The following GALNT16 variants were observed in gnomAD, a reference collection of about 807,000 sequenced individuals.
The protein encoded by GALNT16 is polypeptide N-acetylgalactosaminyltransferase 16.
Under a neutral mutation model 76.1 loss-of-function variants are expected in GALNT16, and 40 were observed. The observed-to-expected ratio is 0.53, with a 90% confidence interval of 0.41 to 0.68. The LOEUF (loss-of-function observed/expected upper bound fraction) is 0.68. GALNT16 is among the 30% of genes least tolerant of loss of function. The pLI, the probability that GALNT16 is intolerant of heterozygous loss-of-function variation, is 0.00. For missense variants in GALNT16, 621 were observed against 731.9 expected, an observed-to-expected ratio of 0.85 and a Z score of 1.75; for synonymous variants, 276 against 285.2, an observed-to-expected ratio of 0.97 and a Z score of 0.32.
At chr14:69,289,801 C>A (rs867592706) in intron 1 of GALNT16, among the ~76,000 whole-genome samples, 9 of 152,098 alleles carry the variant, frequency 5.9e-5, no homozygotes, top group African/African-American at 9.7e-5. Flanking sequence ...TGCTGTGGCG[C>A]GGTCTCACTG....
At chr14:69,270,665 C>A in intron 1 of GALNT16, among the ~76,000 whole-genome samples, 1 of 152,196 alleles carries the variant, frequency 6.6e-6, no homozygotes, top group African/African-American at 2.4e-5. Context: ...ATCAGCGGTC[C>A]GTTCCAGGGG....
chr14:69,324,926 G>A (rs1406524301), intron 3 of GALNT16, 136 bp downstream of exon 3: 3 of 586,018 alleles, frequency 5.1e-6, no homozygotes, highest in Admixed American at 3.2e-5. Flanking sequence ...GCTGAGACTG[G>A]TGAATCAGGG....
At chr14:69,275,454 G>A (rs2044459968) in intron 1 of GALNT16, among the ~76,000 whole-genome samples, 1 of 152,216 alleles carries the variant, frequency 6.6e-6, no homozygotes, top group Non-Finnish European at 1.5e-5. Flanking sequence ...TGATGATTTA[G>A]TATGATACCA....
intron 9 of GALNT16, among the ~76,000 whole-genome samples, chr14:69,337,772 G>C (rs7143232): frequency 0.32 from 48,723 of 152,002 alleles, 8,008 homozygotes; most frequent in Middle Eastern, 0.41. Flanking sequence ...CTTTAGTCCT[G>C]CTTCCTCCAC....
In GALNT16 at chr14:69,352,167, G is replaced by T; in HGVS notation, c.1676G>T (p.Ter559LeuextTer2). ...CAGTGGCAGCTGTTGCCACACACAT[G>T]ACGGTAGCCCTGGGGCCTCCTGTAC... The part of the protein sequence containing the change: ...AQQWQLLPHT[*>L] Residue 559 changes from the stop codon to leucine (L), a stop_lost, in exon 15 of 15, where the codon TGA (stop) becomes TTA (leucine). Coordinates refer to ENST00000448469, the MANE Select transcript of GALNT16 (RefSeq NM_001168368.2). 1 of 1,609,056 alleles carries T rather than the reference G, an allele frequency of 6.2e-7. No individual in the cohort carries two copies. The highest frequency in any genetic ancestry group is 1.1e-5 in the South Asian group (1 of 90,400).
At chr14:69,277,363 C>A (rs1267269805) in intron 1 of GALNT16, among the ~76,000 whole-genome samples, 1 of 152,170 alleles carries the variant, frequency 6.6e-6, no homozygotes, top group Non-Finnish European at 1.5e-5. Context: ...CTAATGCTAT[C>A]CCTCCCTGCT....
the GALNT16 span, chr14:69,380,477 A>G: frequency 1.1e-6 from 1 of 914,034 alleles, no homozygotes; most frequent in African/African-American, 1.6e-5. Flanking sequence ...CTTCCACTAC[A>G]GCACGCTGTA....
At chr14:69,286,860 A>T (rs1009527022) in intron 1 of GALNT16, among the ~76,000 whole-genome samples, 1 of 152,242 alleles carries the variant, frequency 6.6e-6, no homozygotes, top group African/African-American at 2.4e-5. Flanking sequence ...TGTTTGAAAA[A>T]TTTTATAATA....
In GALNT16 at chr14:69,308,936, T is replaced by A. The variant is rs377151639; in HGVS notation, c.178-11775T>A. On this transcript the variant is annotated intron_variant, in intron 1 of 14. Transcript: ENST00000448469. ...AATACTGAGAATTAATAATTATTCT[T>A]GAACTTTGCCAGATGAATTAGCAAG... is the stretch of plus-strand genomic sequence containing the variant. Among the ~76,000 whole-genome samples, 47 of 152,358 alleles carry A rather than the reference T, an allele frequency of 3.1e-4. 1 individual carries two copies. In the South Asian group the frequency reaches 9.7e-3, roughly 32 times the overall value.
Position 69,315,812 on chromosome 14 carries a change from A to ATT in GALNT16, c.178-4899_178-4898insTT, listed in dbSNP as rs2045091308. Among the ~76,000 whole-genome samples, 8 of 152,090 alleles carry ATT rather than the reference A, an allele frequency of 5.3e-5. No individual in the cohort carries two copies. In the South Asian group the frequency reaches 1.7e-3, roughly 32 times the overall value. ...ACACCCAACTCAAATCAGTTTTTAA[A>ATT]AAAAAAAATATGTAGGTAGGTAGGT... On this transcript the variant is annotated intron_variant, in intron 1 of 14. Coordinates refer to ENST00000448469, the MANE Select transcript of GALNT16 (RefSeq NM_001168368.2).
At chr14:69,325,298 T>G (rs201689275) in intron 3 of GALNT16, 39 bp from the exon 4 acceptor site, 1 of 1,368,462 alleles carries the variant, frequency 7.3e-7, no homozygotes, top group Non-Finnish European at 1.0e-6. Flanking sequence ...AGGTGGTTCC[T>G]AAATCCAGGC....
Position 69,277,204 on chromosome 14 carries a change from C to G in GALNT16, c.177+16737C>G, listed in dbSNP as rs149605890. Among the ~76,000 whole-genome samples, 741 of 152,198 alleles carry G rather than the reference C, an allele frequency of 4.9e-3. 8 individuals are homozygous for G. The highest frequency in any genetic ancestry group is 0.026 in the South Asian group (127 of 4,822). On this transcript the variant is annotated intron_variant, in intron 1 of 14. Transcript: ENST00000448469. Reference sequence around the variant, plus strand: ...AAGGTATGAGATCAAAGACAAAAAGCCTTTATTATTATATTTTCTCCTTTT... The same window carrying G: ...AAGGTATGAGATCAAAGACAAAAAGGCTTTATTATTATATTTTCTCCTTTT...
the GALNT16 span, among the ~76,000 whole-genome samples, chr14:69,372,997 C>A: frequency 6.6e-6 from 1 of 152,302 alleles, no homozygotes; most frequent in African/African-American, 2.4e-5. Context: ...AAGTTGGTGA[C>A]CATACTTCTA....
intron 1 of GALNT16, among the ~76,000 whole-genome samples, chr14:69,291,703 G>T (rs2044689249): frequency 1.3e-5 from 2 of 152,178 alleles, no homozygotes; most frequent in African/African-American, 4.8e-5. Context: ...TGTGGAACAG[G>T]AGTTCCACCC....
chr14:69,311,660 T>A (rs908175582), intron 1 of GALNT16, among the ~76,000 whole-genome samples: 3 of 152,244 alleles, frequency 2.0e-5, no homozygotes, highest in African/African-American at 7.2e-5. Flanking sequence ...TTTCTAAATT[T>A]GACCCACAGT....
chr14:69,295,175 A>C (rs1258806232), intron 1 of GALNT16, among the ~76,000 whole-genome samples: 1 of 152,134 alleles, frequency 6.6e-6, no homozygotes, highest in Non-Finnish European at 1.5e-5. Flanking sequence ...GCACTTAGGG[A>C]GGCTGAGGCG....
At chr14:69,371,516 A>G in the GALNT16 span, among the ~76,000 whole-genome samples, 6 of 151,650 alleles carry the variant, frequency 4.0e-5, no homozygotes, top group East Asian at 9.9e-4. Context: ...TTGGCCTCCC[A>G]AAGTGCTGGG....
intron 1 of GALNT16, among the ~76,000 whole-genome samples, chr14:69,311,414 A>C (rs1265906934): frequency 1.2e-4 from 18 of 152,196 alleles, no homozygotes; most frequent in Admixed American, 1.2e-3. Context: ...CACAATGGGG[A>C]TTAAGTTTCA....
chr14:69,313,135 G>A (rs55647841), intron 1 of GALNT16, among the ~76,000 whole-genome samples: 19,463 of 152,188 alleles, frequency 0.13, 1,272 homozygotes, highest in Middle Eastern at 0.19. Flanking sequence ...TCAATGAGCC[G>A]TCAGCATCAG....
Sources: allele counts gnomAD v4.1 joint callset (sites outside exome capture counted in the v4.1 genomes callset), GRCh38; gene constraint gnomAD v4.1.1; transcripts MANE v1.5; gene names NCBI Gene and HGNC (gene_info 2026-07-23, HGNC 2026-07-21).